SCGB2B2: variants seen among roughly 807,000 people sequenced by gnomAD.
SCGB2B2 encodes secretoglobin family 2B member 2, also known as secretoglobin-like protein.
In SCGB2B2, 11 loss-of-function variants were observed where a neutral mutation model predicts 7.6. The ratio of observed to expected loss-of-function variants is 1.45; its 90% CI spans 0.91 to 2.40. SCGB2B2 has a LOEUF of 2.40. SCGB2B2 is among the 30% of genes most tolerant of loss of function. SCGB2B2 has a pLI of 0.00. For missense variants in SCGB2B2, 104 were observed against 115.4 expected, an observed-to-expected ratio of 0.90 and a Z score of 0.45; for synonymous variants, 50 against 48.6, an observed-to-expected ratio of 1.03 and a Z score of -0.12.
intron 1 of SCGB2B2, among the ~76,000 whole-genome samples, chr19:34,606,310 T>C (rs934708380): frequency 2.0e-5 from 3 of 152,064 alleles, no homozygotes; most frequent in Non-Finnish European, 2.9e-5. Context: ...ATATTTAGAA[T>C]TTATAAAAAG....
chr19:34,662,955 CAAACAAA>C (rs1267630587), intron 1 of SCGB2B2, among the ~76,000 whole-genome samples: 5 of 146,384 alleles, frequency 3.4e-5, no homozygotes, highest in African/African-American at 7.9e-5. Flanking sequence ...AACAAACAAA[CAAACAAA>C]AAAAAACAAT....
At chr19:34,654,433 A>C (rs1307675245) in intron 1 of SCGB2B2, among the ~76,000 whole-genome samples, 1 of 151,324 alleles carries the variant, frequency 6.6e-6, no homozygotes, top group Non-Finnish European at 1.5e-5. Flanking sequence ...CACTTTAGAT[A>C]AACATACTTG....
At chr19:34,635,660 G>T in intron 1 of SCGB2B2, 1 of 202,872 alleles carries the variant, frequency 4.9e-6, no homozygotes, top group East Asian at 1.4e-4. Context: ...TGTGGCTAAA[G>T]GCTTTCCCAC....
intron 1 of SCGB2B2, among the ~76,000 whole-genome samples, chr19:34,634,271 C>T (rs2066615395): frequency 6.6e-6 from 1 of 152,154 alleles, no homozygotes; most frequent in Non-Finnish European, 1.5e-5. Context: ...GCAATGGCCT[C>T]AGCCCACTCA....
intron 1 of SCGB2B2, among the ~76,000 whole-genome samples, chr19:34,649,270 A>G (rs1297932698): frequency 6.6e-6 from 1 of 152,178 alleles, no homozygotes; most frequent in Non-Finnish European, 1.5e-5. Context: ...GAAGGTAAAC[A>G]GTTTTTATGT....
chr19:34,589,443 G>A (rs1005566871), downstream of SCGB2B2, among the ~76,000 whole-genome samples: 1 of 152,124 alleles, frequency 6.6e-6, no homozygotes, highest in African/African-American at 2.4e-5. Flanking sequence ...CAGGTCTGAG[G>A]GGTCTCACTT....
At chr19:34,671,519 C>T (rs1210837926) in intron 1 of SCGB2B2, among the ~76,000 whole-genome samples, 1 of 151,996 alleles carries the variant, frequency 6.6e-6, no homozygotes, top group Non-Finnish European at 1.5e-5. Context: ...CTAATAAAAG[C>T]ATCGTGGGAT....
chr19:34,669,081 C>T (rs2067726968), intron 1 of SCGB2B2, among the ~76,000 whole-genome samples: 1 of 152,150 alleles, frequency 6.6e-6, no homozygotes, highest in African/African-American at 2.4e-5. Context: ...AAGTCTGCAG[C>T]TTCACTCCTG....
At chr19:34,593,707 TG>T in intron 3 of SCGB2B2, 108 bp from the exon 4 acceptor site, 1 of 846,956 alleles carries the variant, frequency 1.2e-6, no homozygotes, top group Non-Finnish European at 1.9e-6. Context: ...TGAGTGTGTC[TG>T]CTTGTTGGGG....
At chr19:34,638,953 G>A (rs927235280) in intron 1 of SCGB2B2, among the ~76,000 whole-genome samples, 4 of 152,150 alleles carry the variant, frequency 2.6e-5, no homozygotes, top group African/African-American at 9.7e-5. Context: ...ACAATTCAAA[G>A]GGACCTCTGC....
chr19:34,587,335 T>C (rs1333523157), downstream of SCGB2B2, among the ~76,000 whole-genome samples: 2 of 152,216 alleles, frequency 1.3e-5, no homozygotes, highest in South Asian at 2.1e-4. Flanking sequence ...TTCTAGTTTA[T>C]TGTTGATGTT....
At chr19:34,631,769 A>T (rs2066542356) in intron 1 of SCGB2B2, among the ~76,000 whole-genome samples, 1 of 152,194 alleles carries the variant, frequency 6.6e-6, no homozygotes, top group South Asian at 2.1e-4. Flanking sequence ...TAAATTCTAA[A>T]ATTCATATGG....
In SCGB2B2 at chr19:34,675,871, CGT is replaced by C; in HGVS notation, c.-2275_-2274del. ...TGAGTGTTACAGCTCCTAAAGACGG[CGT>C]GTCTGGAGTTGTTCGTTCCTCCCAG... On this transcript the variant is annotated 5_prime_UTR_variant, in exon 1 of 4. Coordinates refer to ENST00000601241, the MANE Select transcript of SCGB2B2 (RefSeq NM_001025591.4). 1 of 148,976 alleles carries C rather than the reference CGT, an allele frequency of 6.7e-6. No individual in the cohort carries two copies. Among genetic ancestry groups the C allele is most frequent in the Non-Finnish European group, 1.5e-5 (1 of 67,636 alleles). The allele number at this position is 148,976 out of a possible 1,614,324, so 9.2% of individuals were successfully genotyped here. A position where few individuals can be genotyped will look rare whatever the true frequency, so the allele number is the denominator to read the frequency against.
rs1403447417 is a variant in SCGB2B2 at position 34,676,326 on chromosome 19, G to C, written c.-2728C>G. The stretch of plus-strand genomic sequence containing the variant: ...ATATGCTAATTATATGCATTAGCAC[G>C]CTAAGAGAAACGCTCATCAGTGCCA... On this transcript the variant is annotated 5_prime_UTR_variant, in exon 1 of 4. Transcript: ENST00000601241. The C allele has an allele frequency of 6.6e-6, 1 of 152,154 alleles. No homozygotes were observed. Among genetic ancestry groups the C allele is most frequent in the Non-Finnish European group, 1.5e-5 (1 of 68,044 alleles). 9.4% of individuals were successfully genotyped at this position (152,154 alleles called of 1,614,324 possible).
At chr19:34,656,553 T>C (rs1186960765) in intron 1 of SCGB2B2, among the ~76,000 whole-genome samples, 1 of 151,258 alleles carries the variant, frequency 6.6e-6, no homozygotes, top group Non-Finnish European at 1.5e-5. Context: ...CAGTGAGCCA[T>C]GACTGCACCA....
intron 1 of SCGB2B2, among the ~76,000 whole-genome samples, chr19:34,624,616 G>A (rs1409125003): frequency 6.6e-6 from 1 of 152,176 alleles, no homozygotes; most frequent in South Asian, 2.1e-4. Flanking sequence ...AATGTGATAG[G>A]AAAGTCTGGA....
chr19:34,643,418 G>C (rs1044966735), intron 1 of SCGB2B2, among the ~76,000 whole-genome samples: 2 of 152,200 alleles, frequency 1.3e-5, no homozygotes, highest in South Asian at 4.1e-4. Flanking sequence ...AGGCTGGGAA[G>C]GGTGTGGGTG....
At chr19:34,675,308 C>G (rs1233213151) in intron 1 of SCGB2B2, among the ~76,000 whole-genome samples, 2 of 152,188 alleles carry the variant, frequency 1.3e-5, no homozygotes, top group African/African-American at 4.8e-5. Context: ...TTATTACATA[C>G]TCTAAGCCTT....
chr19:34,609,943 CA>C (rs1409945831), intron 1 of SCGB2B2, among the ~76,000 whole-genome samples: 5 of 152,074 alleles, frequency 3.3e-5, no homozygotes, highest in Admixed American at 6.5e-5. Context: ...TTAATTCTTC[CA>C]ATCATGAACA....
Sources: allele counts gnomAD v4.1 joint callset (sites outside exome capture counted in the v4.1 genomes callset), GRCh38; gene constraint gnomAD v4.1.1; transcripts MANE v1.5; gene names NCBI Gene and HGNC (gene_info 2026-07-23, HGNC 2026-07-21).